MECOM: variants seen among roughly 807,000 people sequenced by gnomAD.
MECOM encodes the protein MDS1 and EVI1 complex locus.
Under a neutral mutation model 116.3 loss-of-function variants are expected in MECOM, and 13 were observed. The observed-to-expected ratio is 0.11, with a 90% confidence interval of 0.07 to 0.18. The LOEUF (loss-of-function observed/expected upper bound fraction) is 0.18. Among genes scored for constraint, MECOM ranks in the 10% least tolerant of loss-of-function variants. The pLI, the probability that MECOM is intolerant of heterozygous loss-of-function variation, is 1.00. For missense variants in MECOM, 1,299 were observed against 1,509.0 expected (o/e 0.86, Z 2.31); for synonymous variants, 528 against 535.2 (o/e 0.99, Z 0.19).
At chr3:169,521,379 A>T (rs919109660) in intron 1 of MECOM, among the ~76,000 whole-genome samples, 1 of 152,156 alleles carries the variant, frequency 6.6e-6, no homozygotes, top group Non-Finnish European at 1.5e-5. Context: ...TTTGAACATG[A>T]TCATCTCTTA....
chr3:169,473,879 T>C (rs993329685), intron 1 of MECOM, among the ~76,000 whole-genome samples: 3 of 151,290 alleles, frequency 2.0e-5, no homozygotes, highest in Non-Finnish European at 4.4e-5. Flanking sequence ...ATACTATATA[T>C]ATGTAGTATT....
At chr3:169,662,704 G>C (rs1776464310) in intron 1 of MECOM, among the ~76,000 whole-genome samples, 1 of 151,982 alleles carries the variant, frequency 6.6e-6, no homozygotes, top group Middle Eastern at 3.4e-3. Context: ...GCCGCGGCTC[G>C]GCGCAGTCCA....
intron 1 of MECOM, among the ~76,000 whole-genome samples, chr3:169,589,455 TACTTTAA>T (rs1378074698): frequency 5.9e-5 from 9 of 152,176 alleles, no homozygotes; most frequent in Non-Finnish European, 8.8e-5. Flanking sequence ...GAGTAGATTC[TACTTTAA>T]ACTTTATAGG....
rs373555129 is a variant in MECOM, at chr3:169,381,421, G to A, written c.141C>T (p.Cys47=). ...ATGCTTCACTGGATGTGGCAGGAGA[G>A]CATGGCTCTTGAATATTGAGGGAGG... is the stretch of plus-strand genomic sequence containing the variant. ...STPSLNIQEP[C]SPATSSEAFT... is the part of the protein sequence containing the mutation. The change falls in exon 2 of 17, where the codon TGC becomes TGT. Residue 47 remains cysteine (C), a synonymous_variant. Coordinates refer to ENST00000651503, the MANE Select transcript of MECOM (RefSeq NM_004991.4). 41 of 1,613,726 alleles carry A rather than the reference G, an allele frequency of 2.5e-5. No individual in the cohort carries two copies. Among genetic ancestry groups the A allele is most frequent in the Non-Finnish European group, 3.5e-5 (41 of 1,179,814 alleles).
At chr3:169,407,139 G>A (rs1193394344) in intron 1 of MECOM, among the ~76,000 whole-genome samples, 1 of 152,060 alleles carries the variant, frequency 6.6e-6, no homozygotes. Context: ...GAGCCACTGT[G>A]CCTGTCCTAT....
rs1560340618 is a variant in MECOM at position 169,485,963 on chromosome 3, A to ATATGT, written c.38-104440_38-104439insACATA. Among the ~76,000 whole-genome samples the ATATGT allele has an allele frequency of 5.0e-4, 36 of 72,380 alleles. 2 individuals are homozygous for ATATGT. The highest frequency in any genetic ancestry group is 1.6e-3 in the African/African-American group (27 of 16,796). The allele number at this position is 72,380 out of a possible 152,430, so 47.5% of individuals were successfully genotyped here. ...TATGTATGTATATATGTACATATAT[A>ATATGT]CTATATATACATATATATATAGTAT... On this transcript the variant is annotated intron_variant, in intron 1 of 16. Coordinates refer to ENST00000651503, the MANE Select transcript of MECOM (RefSeq NM_004991.4).
intron 1 of MECOM, among the ~76,000 whole-genome samples, chr3:169,462,683 T>C (rs759029225): frequency 3.3e-5 from 5 of 152,194 alleles, no homozygotes; most frequent in Admixed American, 6.6e-5. Flanking sequence ...GGAAACAGTC[T>C]TGGATAGGGG....
At chr3:169,090,282 T>C (rs1165082434) in intron 14 of MECOM, 46 bp from the exon 15 acceptor site, 1 of 1,526,514 alleles carries the variant, frequency 6.6e-7, no homozygotes, top group Non-Finnish European at 8.8e-7. Flanking sequence ...GTTTCATTTT[T>C]AAAATTGTAA....
At chr3:169,628,231 G>A (rs1045841781) in intron 1 of MECOM, among the ~76,000 whole-genome samples, 1 of 152,116 alleles carries the variant, frequency 6.6e-6, no homozygotes, top group African/African-American at 2.4e-5. Flanking sequence ...AAATATCTTA[G>A]CCACATTTGG....
In MECOM at chr3:169,441,755, G is replaced by A. The variant is rs1485563045; in HGVS notation, c.38-60231C>T. On this transcript the variant is annotated intron_variant, in intron 1 of 16. Coordinates refer to ENST00000651503, the MANE Select transcript of MECOM (RefSeq NM_004991.4). Reference sequence around the variant, plus strand: ...TTTTTTTTTTTTTTTAAAAAAGGGGGGGTCTTGCTCTGTCACCCAGGCTGG... The same window carrying A: ...TTTTTTTTTTTTTTTAAAAAAGGGGAGGTCTTGCTCTGTCACCCAGGCTGG... Among the ~76,000 whole-genome samples, 5 of 106,264 alleles carry A rather than the reference G, an allele frequency of 4.7e-5. 1 individual carries two copies. Among genetic ancestry groups the A allele is most frequent in the Non-Finnish European group, 9.8e-5 (4 of 40,614 alleles). The allele number at this position is 106,264 out of a possible 152,430, so 69.7% of individuals were successfully genotyped here.
chr3:169,453,820 A>G (rs1746006358), intron 1 of MECOM, among the ~76,000 whole-genome samples: 1 of 152,140 alleles, frequency 6.6e-6, no homozygotes, highest in South Asian at 2.1e-4. Flanking sequence ...AGTTAATGAG[A>G]TAGGATCCCA....
intron 2 of MECOM, among the ~76,000 whole-genome samples, chr3:169,207,083 T>C (rs1233839847): frequency 6.6e-6 from 1 of 152,180 alleles, no homozygotes; most frequent in Non-Finnish European, 1.5e-5. Flanking sequence ...AACAAAAGCA[T>C]TATAAGATTA....
chr3:169,360,712 G>A (rs539356549), intron 2 of MECOM, among the ~76,000 whole-genome samples: 4 of 151,896 alleles, frequency 2.6e-5, no homozygotes, highest in African/African-American at 7.2e-5. Context: ...TCACAGGATG[G>A]CCAGGGTTGT....
chr3:169,597,585 T>C (rs1274035793), intron 1 of MECOM, among the ~76,000 whole-genome samples: 1 of 152,228 alleles, frequency 6.6e-6, no homozygotes, highest in African/African-American at 2.4e-5. Context: ...GTTGGGTTTT[T>C]TTCTTTCAAA....
intron 1 of MECOM, among the ~76,000 whole-genome samples, chr3:169,409,967 T>C: frequency 6.6e-6 from 1 of 152,224 alleles, no homozygotes; most frequent in East Asian, 1.9e-4. Flanking sequence ...AATTCAGATA[T>C]TCTAGTATTT....
intron 2 of MECOM, among the ~76,000 whole-genome samples, chr3:169,183,839 CAT>C (rs1553761862): frequency 7.0e-5 from 10 of 142,408 alleles, no homozygotes; most frequent in Non-Finnish European, 1.2e-4. Flanking sequence ...TATATACACA[CAT>C]ACATATTTTT....
At chr3:169,353,783 T>C (rs1726790678) in intron 2 of MECOM, among the ~76,000 whole-genome samples, 1 of 151,870 alleles carries the variant, frequency 6.6e-6, no homozygotes, top group Non-Finnish European at 1.5e-5. Flanking sequence ...GCTTCATATA[T>C]AACAATACAA....
intron 2 of MECOM, among the ~76,000 whole-genome samples, chr3:169,378,427 A>AAGAAAG (rs1731497511): frequency 1.3e-5 from 1 of 76,588 alleles, no homozygotes; most frequent in Non-Finnish European, 2.3e-5. Flanking sequence ...GAAAGAAAGA[A>AAGAAAG]AGAAAGAAAG....
chr3:169,495,022 C>T (rs1427660485), intron 1 of MECOM, among the ~76,000 whole-genome samples: 1 of 152,206 alleles, frequency 6.6e-6, no homozygotes, highest in African/African-American at 2.4e-5. Context: ...TCTTGGAAGA[C>T]ATTTGGTCAC....
Sources: gnomAD v4.1 joint callset for allele counts (sites outside exome capture counted in the v4.1 genomes callset) on GRCh38, gnomAD v4.1.1 for gene constraint, MANE v1.5 for transcripts, NCBI Gene and HGNC (gene_info 2026-07-23, HGNC 2026-07-21) for gene names.